KCTD8: variants seen among roughly 807,000 people sequenced by gnomAD.
The protein encoded by KCTD8 is potassium channel tetramerization domain containing 8, also known as BTB/POZ domain-containing protein KCTD8.
A neutral mutation model predicts 31.5 loss-of-function variants in KCTD8; 27 were observed. That is an observed-to-expected ratio of 0.86 (90% CI 0.63 to 1.18). The LOEUF (loss-of-function observed/expected upper bound fraction) is 1.18. Ranked by LOEUF, KCTD8 falls within the 50% of genes most tolerant of loss-of-function variation. The pLI, the probability that KCTD8 is intolerant of heterozygous loss-of-function variation, is 0.00. For synonymous variants in KCTD8, 290 were observed against 280.0 expected (o/e 1.04, Z -0.36); for missense variants, 658 against 647.7 (o/e 1.02, Z -0.17).
chr4:44,242,929 G>A (rs990668476), intron 1 of KCTD8, among the ~76,000 whole-genome samples: 1 of 152,104 alleles, frequency 6.6e-6, no homozygotes, highest in African/African-American at 2.4e-5. Flanking sequence ...CCAAGCAGAT[G>A]ACAATGTCAT....
chr4:44,229,473 C>A (rs571063239), intron 1 of KCTD8, among the ~76,000 whole-genome samples: 1 of 152,290 alleles, frequency 6.6e-6, no homozygotes, highest in East Asian at 1.9e-4. Flanking sequence ...GTACAACTTC[C>A]TAAACACACT....
chr4:44,378,330 A>T (rs1294601231), intron 1 of KCTD8, among the ~76,000 whole-genome samples: 1 of 150,080 alleles, frequency 6.7e-6, no homozygotes, highest in African/African-American at 2.4e-5. Context: ...TTTTTCACTG[A>T]ATAGCATGTT....
chr4:44,350,629 T>A (rs2109424434), intron 1 of KCTD8, among the ~76,000 whole-genome samples: 1 of 152,302 alleles, frequency 6.6e-6, no homozygotes, highest in African/African-American at 2.4e-5. Flanking sequence ...AAGGATATCT[T>A]TTTATGTATG....
rs117782422 is a variant in KCTD8 at position 44,252,120 on chromosome 4, C to G, written c.962-76870G>C. On this transcript the variant is annotated intron_variant, in intron 1 of 1. Transcript: ENST00000360029. ...GTAAGAACATACAATGTTTGGATTT[C>G]CATTCCTGAGTTACGTCACTTAGAA... Among the ~76,000 whole-genome samples the G allele has an allele frequency of 1.6e-3, 241 of 151,868 alleles. 2 individuals are homozygous for G. In the East Asian group the frequency reaches 0.028, roughly 18 times the overall value.
chr4:44,195,130 G>A (rs1431561342), intron 1 of KCTD8, among the ~76,000 whole-genome samples: 1 of 151,040 alleles, frequency 6.6e-6, no homozygotes, highest in Non-Finnish European at 1.5e-5. Flanking sequence ...CACCCACCTC[G>A]GCCTCCCAAA....
intron 1 of KCTD8, among the ~76,000 whole-genome samples, chr4:44,213,904 C>A (rs1246262520): frequency 6.6e-6 from 1 of 152,106 alleles, no homozygotes; most frequent in Non-Finnish European, 1.5e-5. Context: ...AAAAACTCCC[C>A]TTTTATAAAG....
At chr4:44,365,880 G>A (rs920823205) in intron 1 of KCTD8, among the ~76,000 whole-genome samples, 22 of 152,114 alleles carry the variant, frequency 1.4e-4, no homozygotes, top group Non-Finnish European at 2.9e-4. Context: ...GTCCATCAAA[G>A]AGGAAACTAT....
chr4:44,293,023 G>T (rs1312286744), intron 1 of KCTD8, among the ~76,000 whole-genome samples: 1 of 151,972 alleles, frequency 6.6e-6, no homozygotes, highest in East Asian at 1.9e-4. Flanking sequence ...GTAGATAAGG[G>T]CTTGTAGATA....
intron 1 of KCTD8, among the ~76,000 whole-genome samples, chr4:44,424,945 G>A (rs1721309049): frequency 6.6e-6 from 1 of 151,922 alleles, no homozygotes; most frequent in Non-Finnish European, 1.5e-5. Context: ...GGTCTTTAAG[G>A]AGGTAAATAA....
chr4:44,324,107 A>G (rs1337601198), intron 1 of KCTD8, among the ~76,000 whole-genome samples: 2 of 151,886 alleles, frequency 1.3e-5, no homozygotes, highest in African/African-American at 2.4e-5. Flanking sequence ...TTATCACAAG[A>G]AAGTCCAGAG....
At chr4:44,401,465 G>A (rs1294303269) in intron 1 of KCTD8, among the ~76,000 whole-genome samples, 2 of 152,270 alleles carry the variant, frequency 1.3e-5, no homozygotes, top group Admixed American at 6.5e-5. Context: ...AGAAAGTACA[G>A]TTGGGAGAAC....
chr4:44,224,438 C>A (rs1353986421), intron 1 of KCTD8, among the ~76,000 whole-genome samples: 5 of 152,174 alleles, frequency 3.3e-5, no homozygotes, highest in African/African-American at 1.2e-4. Context: ...TCACTGGGCC[C>A]TTCATTCTGC....
chr4:44,283,493 A>C (rs1006822725), intron 1 of KCTD8, among the ~76,000 whole-genome samples: 1 of 152,140 alleles, frequency 6.6e-6, no homozygotes, highest in Non-Finnish European at 1.5e-5. Context: ...TATGATTTTA[A>C]GTTAAAGCCA....
intron 1 of KCTD8, among the ~76,000 whole-genome samples, chr4:44,218,893 G>A (rs894164275): frequency 2.6e-5 from 4 of 152,010 alleles, no homozygotes; most frequent in African/African-American, 4.8e-5. Flanking sequence ...ACTGACTTTC[G>A]TAACAGTGGA....
intron 1 of KCTD8, among the ~76,000 whole-genome samples, chr4:44,364,413 A>T (rs891172377): frequency 9.9e-5 from 15 of 152,154 alleles, no homozygotes; most frequent in African/African-American, 3.1e-4. Flanking sequence ...AATAGCTAAA[A>T]TCCAAAACAC....
At chr4:44,420,256 G>A (rs940061602) in intron 1 of KCTD8, among the ~76,000 whole-genome samples, 1 of 152,082 alleles carries the variant, frequency 6.6e-6, no homozygotes, top group African/African-American at 2.4e-5. Flanking sequence ...GACAAAAGAA[G>A]GTTGACAATT....
At chr4:44,413,207 C>T (rs1366428025) in intron 1 of KCTD8, among the ~76,000 whole-genome samples, 1 of 152,140 alleles carries the variant, frequency 6.6e-6, no homozygotes, top group Non-Finnish European at 1.5e-5. Flanking sequence ...GTATAATTTA[C>T]TTAAACTGAC....
Position 44,243,810 on chromosome 4 carries a change from G to A in KCTD8, c.962-68560C>T, listed in dbSNP as rs115134151. On this transcript the variant is annotated intron_variant, in intron 1 of 1. Coordinates refer to ENST00000360029, the MANE Select transcript of KCTD8 (RefSeq NM_198353.3). ...AAAAGAAAAGGAAGAGAAGGAGAAT[G>A]GCTGGTGATAGAAACATTTTTGTCC... Among the ~76,000 whole-genome samples, 583 of 152,312 alleles carry A rather than the reference G, an allele frequency of 3.8e-3. 2 individuals are homozygous for A. The highest frequency in any genetic ancestry group is 0.013 in the African/African-American group (555 of 41,566).
At chr4:44,359,905 T>C (rs1328295242) in intron 1 of KCTD8, among the ~76,000 whole-genome samples, 1 of 152,108 alleles carries the variant, frequency 6.6e-6, no homozygotes, top group Non-Finnish European at 1.5e-5. Flanking sequence ...AGAGAAAATA[T>C]ACATATTTAT....
Sources: allele counts gnomAD v4.1 joint callset (sites outside exome capture counted in the v4.1 genomes callset), GRCh38; gene constraint gnomAD v4.1.1; transcripts MANE v1.5; gene names NCBI Gene and HGNC (gene_info 2026-07-23, HGNC 2026-07-21).